Variants in EEFSEC observed in about 807,000 individuals in gnomAD.
EEFSEC encodes the protein eukaryotic elongation factor, selenocysteine-tRNA specific.
In EEFSEC, 43 loss-of-function variants were observed where a neutral mutation model predicts 42.1. That is an observed-to-expected ratio of 1.02 (90% CI 0.80 to 1.32). EEFSEC has a LOEUF of 1.32. EEFSEC is among the 40% of genes most tolerant of loss of function. The pLI is 0.00. For synonymous variants in EEFSEC, 354 were observed against 339.1 expected (o/e 1.04, Z -0.48); for missense variants, 745 against 803.6 (o/e 0.93, Z 0.88).
intron 1 of EEFSEC, among the ~76,000 whole-genome samples, chr3:128,246,206 A>T (rs2066124648): frequency 6.8e-6 from 1 of 148,096 alleles, no homozygotes; most frequent in African/African-American, 2.5e-5. Flanking sequence ...GCTGTACAGT[A>T]GGATGATGCT....
At chr3:128,421,038 A>G in the EEFSEC span, among the ~76,000 whole-genome samples, 3 of 152,134 alleles carry the variant, frequency 2.0e-5, no homozygotes. Context: ...AGGAGGGACC[A>G]TGAGCCCACC....
At chr3:128,384,681 T>A (rs2067816925) in intron 6 of EEFSEC, among the ~76,000 whole-genome samples, 1 of 152,144 alleles carries the variant, frequency 6.6e-6, no homozygotes, top group African/African-American at 2.4e-5. Flanking sequence ...AGGGAACACG[T>A]CCAAGGTCAA....
At chr3:128,271,285 C>A (rs2066409957) in intron 4 of EEFSEC, among the ~76,000 whole-genome samples, 1 of 152,184 alleles carries the variant, frequency 6.6e-6, no homozygotes, top group East Asian at 1.9e-4. Context: ...GACTGTGAAT[C>A]AGGTGCCCGA....
chr3:128,242,361 A>C (rs1338348928), intron 1 of EEFSEC, among the ~76,000 whole-genome samples: 2 of 152,170 alleles, frequency 1.3e-5, no homozygotes, highest in Non-Finnish European at 2.9e-5. Flanking sequence ...AATGGCACAC[A>C]TTTACCTACA....
intron 1 of EEFSEC, among the ~76,000 whole-genome samples, chr3:128,174,241 A>G (rs1445537116): frequency 6.6e-6 from 1 of 152,240 alleles, no homozygotes; most frequent in Non-Finnish European, 1.5e-5. Context: ...TGGAAAGCAG[A>G]CTAACACAAA....
At chr3:128,216,192 A>C (rs1341547033) in intron 1 of EEFSEC, among the ~76,000 whole-genome samples, 2 of 152,220 alleles carry the variant, frequency 1.3e-5, no homozygotes, top group Non-Finnish European at 2.9e-5. Flanking sequence ...TGTTGATAAA[A>C]ACTGTCCCAT....
chr3:128,289,729 C>T (rs1380445012), intron 4 of EEFSEC, among the ~76,000 whole-genome samples: 6 of 152,350 alleles, frequency 3.9e-5, no homozygotes, highest in Non-Finnish European at 7.3e-5. Flanking sequence ...CACCGCCCTT[C>T]CAGCCATCTT....
At chr3:128,250,300 G>C (rs955901984) in intron 2 of EEFSEC, among the ~76,000 whole-genome samples, 8 of 151,938 alleles carry the variant, frequency 5.3e-5, no homozygotes, top group Non-Finnish European at 8.8e-5. Flanking sequence ...CTGTGCTTTT[G>C]GAGTCATATC....
chr3:128,300,168 C>A (rs968688083), intron 4 of EEFSEC, among the ~76,000 whole-genome samples: 68 of 152,320 alleles, frequency 4.5e-4, no homozygotes, highest in Admixed American at 6.5e-4. Flanking sequence ...CTGGCCACCT[C>A]CCCAGCTGCC....
At chr3:128,297,564 A>T (rs767551677) in intron 4 of EEFSEC, among the ~76,000 whole-genome samples, 1 of 152,126 alleles carries the variant, frequency 6.6e-6, no homozygotes, top group African/African-American at 2.4e-5. Flanking sequence ...CCCCACGGTC[A>T]TGCTGAGTTC....
chr3:128,408,007 G>T, intron 6 of EEFSEC, 62 bp from the exon 7 acceptor site: 1 of 1,456,122 alleles, frequency 6.9e-7, no homozygotes. Context: ...AGGTGCGCGG[G>T]CAGGGAGCCC....
chr3:128,392,395 G>A (rs1388787274), intron 6 of EEFSEC, among the ~76,000 whole-genome samples: 1 of 152,230 alleles, frequency 6.6e-6, no homozygotes, highest in Non-Finnish European at 1.5e-5. Context: ...TGCCCACCAG[G>A]CATGCAGTCT....
At chr3:128,387,777 G>T (rs1038133729) in intron 6 of EEFSEC, among the ~76,000 whole-genome samples, 9 of 152,072 alleles carry the variant, frequency 5.9e-5, no homozygotes, top group African/African-American at 2.2e-4. Flanking sequence ...AGTCCTGCGC[G>T]CATATGGAGG....
chr3:128,361,520 G>C (rs2067525361), intron 6 of EEFSEC, among the ~76,000 whole-genome samples: 1 of 152,186 alleles, frequency 6.6e-6, no homozygotes, highest in Non-Finnish European at 1.5e-5. Flanking sequence ...TTGGCCCTCA[G>C]GTTCACGAGG....
At chr3:128,229,209 A>G (rs959121476) in intron 1 of EEFSEC, among the ~76,000 whole-genome samples, 17 of 152,222 alleles carry the variant, frequency 1.1e-4, no homozygotes, top group Admixed American at 9.8e-4. Context: ...TACTGTGGCT[A>G]TGATACTAGG....
intron 1 of EEFSEC, among the ~76,000 whole-genome samples, chr3:128,228,500 T>G (rs1353724241): frequency 6.6e-6 from 1 of 151,932 alleles, no homozygotes; most frequent in African/African-American, 2.4e-5. Flanking sequence ...GTGGTGGGTG[T>G]GAGGCTGTCA....
At chr3:128,396,784 C>T (rs1576701927) in intron 6 of EEFSEC, among the ~76,000 whole-genome samples, 1 of 152,308 alleles carries the variant, frequency 6.6e-6, no homozygotes, top group Non-Finnish European at 1.5e-5. Context: ...TGGAATGGTG[C>T]CTAGCCTGTA....
chr3:128,333,192 A>G (rs190972674), intron 4 of EEFSEC, among the ~76,000 whole-genome samples: 1 of 152,348 alleles, frequency 6.6e-6, no homozygotes, highest in Admixed American at 6.5e-5. Context: ...CAATCTTATT[A>G]TAGCTGGTAC....
intron 4 of EEFSEC, among the ~76,000 whole-genome samples, chr3:128,318,237 G>A (rs1297880014): frequency 6.6e-6 from 1 of 152,274 alleles, no homozygotes; most frequent in East Asian, 1.9e-4. Flanking sequence ...CCGGAACATA[G>A]TTGTTGCTCG....
Sources: allele counts gnomAD v4.1 joint callset (sites outside exome capture counted in the v4.1 genomes callset), GRCh38; gene constraint gnomAD v4.1.1; transcripts MANE v1.5; gene names NCBI Gene and HGNC (gene_info 2026-07-23, HGNC 2026-07-21).